Variants in NEGR1 observed in about 807,000 individuals in gnomAD.
NEGR1 encodes the protein IgLON family member 4.
In NEGR1, 10 loss-of-function variants were observed where a neutral mutation model predicts 40.9. The observed-to-expected ratio is 0.24, with a 90% CI of 0.15 to 0.42. The LOEUF (loss-of-function observed/expected upper bound fraction) is 0.42, where lower values mean the gene tolerates loss of function less well. NEGR1 is among the 10% of genes least tolerant of loss of function. The probability of loss-of-function intolerance (pLI) is 1.00; values close to 1 mark genes in which losing one functional copy is unlikely to be tolerated. For synonymous variants in NEGR1, 185 were observed against 166.8 expected, an observed-to-expected ratio of 1.11 and a Z score of -0.84; for missense variants, 352 against 438.9, an observed-to-expected ratio of 0.80 and a Z score of 1.77.
intron 1 of NEGR1, 48 bp downstream of exon 1, chr1:72,282,267 GAGAC>G: frequency 6.2e-7 from 1 of 1,600,288 alleles, no homozygotes; most frequent in Non-Finnish European, 8.5e-7. Context: ...GGTTCAAAGA[GAGAC>G]AGAAAGATAG....
chr1:71,552,016 G>A (rs1648100405), intron 6 of NEGR1, among the ~76,000 whole-genome samples: 1 of 151,334 alleles, frequency 6.6e-6, no homozygotes, highest in Admixed American at 6.6e-5. Flanking sequence ...ACTAGAGTCA[G>A]GCTTCTCCTA....
intron 6 of NEGR1, among the ~76,000 whole-genome samples, chr1:71,506,680 C>T (rs1232482366): frequency 6.6e-6 from 1 of 152,084 alleles, no homozygotes; most frequent in African/African-American, 2.4e-5. Flanking sequence ...GACATCAGAC[C>T]ATAACTGCTT....
chr1:71,429,648 A>T (rs917385420), intron 6 of NEGR1, among the ~76,000 whole-genome samples: 5 of 152,312 alleles, frequency 3.3e-5, no homozygotes, highest in African/African-American at 1.2e-4. Context: ...GCAGCCAGAC[A>T]AACAGTGGCA....
intron 1 of NEGR1, among the ~76,000 whole-genome samples, chr1:72,126,760 G>A (rs939274612): frequency 7.2e-5 from 11 of 152,118 alleles, no homozygotes; most frequent in Non-Finnish European, 2.9e-5. Flanking sequence ...ATTATTCATT[G>A]CATGAGCTTC....
intron 1 of NEGR1, among the ~76,000 whole-genome samples, chr1:71,990,064 C>T (rs1020469421): frequency 6.6e-6 from 1 of 152,090 alleles, no homozygotes; most frequent in African/African-American, 2.4e-5. Flanking sequence ...GTTTACTTTT[C>T]TTTCTGTATA....
intron 6 of NEGR1, among the ~76,000 whole-genome samples, chr1:71,589,478 A>T (rs1037494701): frequency 3.3e-5 from 5 of 152,110 alleles, no homozygotes; most frequent in Admixed American, 3.3e-4. Flanking sequence ...ATACCCAGCT[A>T]CCTATTAGAC....
chr1:71,788,322 A>C (rs560856051), intron 2 of NEGR1, among the ~76,000 whole-genome samples: 1 of 152,264 alleles, frequency 6.6e-6, no homozygotes, highest in South Asian at 2.1e-4. Context: ...CAGTGGTCTA[A>C]GTGCATTCTC....
In NEGR1 at chr1:71,690,619, CAGAGAGAGAGAGAG is replaced by C. The variant is rs59019409; in HGVS notation, c.667+7375_667+7388del. Among the ~76,000 whole-genome samples, 227 of 67,648 alleles carry C rather than the reference CAGAGAGAGAGAGAG, an allele frequency of 3.4e-3. 2 individuals carry two copies. Among genetic ancestry groups the C allele is most frequent in the African/African-American group, 1.0e-2 (190 of 19,026 alleles). 44.4% of individuals were successfully genotyped at this position (67,648 alleles called of 152,430 possible). On this transcript the variant is annotated intron_variant, in intron 4 of 6. Transcript: ENST00000357731. ...ACACACATATATATATAGAGGGAGACAGAGAGAGAGAGAGAGAGAGAGAGAGAGAGAGAGAGAGA... is the reference window on the plus strand; with the variant it reads ...ACACACATATATATATAGAGGGAGACAGAGAGAGAGAGAGAGAGAGAGAGA...
intron 3 of NEGR1, among the ~76,000 whole-genome samples, chr1:71,737,911 A>G (rs2101672416): frequency 6.6e-6 from 1 of 152,226 alleles, no homozygotes; most frequent in Non-Finnish European, 1.5e-5. Context: ...GGGTGGCAGG[A>G]ATTACAGTCG....
intron 3 of NEGR1, among the ~76,000 whole-genome samples, chr1:71,728,626 T>C (rs896315566): frequency 1.3e-5 from 2 of 152,230 alleles, no homozygotes; most frequent in Non-Finnish European, 2.9e-5. Flanking sequence ...GTAGGAACTT[T>C]ACTGGCTGTG....
At chr1:71,916,618 T>C (rs1661593116) in intron 2 of NEGR1, among the ~76,000 whole-genome samples, 1 of 152,016 alleles carries the variant, frequency 6.6e-6, no homozygotes, top group Non-Finnish European at 1.5e-5. Context: ...TAGCCAGGCA[T>C]AGGGGCGTGT....
intron 1 of NEGR1, among the ~76,000 whole-genome samples, chr1:72,090,058 A>G (rs1324132138): frequency 1.3e-5 from 2 of 152,104 alleles, no homozygotes; most frequent in South Asian, 2.1e-4. Flanking sequence ...AATTAGATAA[A>G]AATATGACCT....
At chr1:71,868,829 T>C (rs1660195009) in intron 2 of NEGR1, among the ~76,000 whole-genome samples, 1 of 151,928 alleles carries the variant, frequency 6.6e-6, no homozygotes, top group African/African-American at 2.4e-5. Flanking sequence ...ATACTCTCTC[T>C]CCCCTTCCCA....
chr1:72,095,588 C>G (rs6694202), intron 1 of NEGR1, among the ~76,000 whole-genome samples: 5,578 of 152,200 alleles, frequency 0.037, 342 homozygotes, highest in African/African-American at 0.13. Context: ...GTTTCCCACA[C>G]TGCTTACATT....
chr1:71,579,747 G>T (rs1276921657), intron 6 of NEGR1, among the ~76,000 whole-genome samples: 1 of 151,918 alleles, frequency 6.6e-6, no homozygotes, highest in Non-Finnish European at 1.5e-5. Flanking sequence ...GGAACCTATT[G>T]TGATGTTAAT....
chr1:72,011,535 G>A (rs188146541), intron 1 of NEGR1, among the ~76,000 whole-genome samples: 2 of 152,028 alleles, frequency 1.3e-5, no homozygotes, highest in East Asian at 1.9e-4. Flanking sequence ...ACAAGTAATC[G>A]CCATAGATCA....
chr1:72,167,661 C>A (rs1173847782), intron 1 of NEGR1, among the ~76,000 whole-genome samples: 2 of 151,966 alleles, frequency 1.3e-5, no homozygotes, highest in East Asian at 3.9e-4. Flanking sequence ...GTATTTTCAA[C>A]AACAACAAAA....
chr1:71,553,495 G>A (rs1248851219), intron 6 of NEGR1, among the ~76,000 whole-genome samples: 2 of 151,436 alleles, frequency 1.3e-5, no homozygotes, highest in Non-Finnish European at 3.0e-5. Flanking sequence ...TGTAGAAGTA[G>A]GCCAGACACT....
intron 3 of NEGR1, among the ~76,000 whole-genome samples, chr1:71,762,556 A>G (rs1655982820): frequency 6.6e-6 from 1 of 152,158 alleles, no homozygotes. Context: ...ATTCTATAAT[A>G]TTTGAATGGT....
Sources: gnomAD v4.1 joint callset for allele counts (sites outside exome capture counted in the v4.1 genomes callset) on GRCh38, gnomAD v4.1.1 for gene constraint, MANE v1.5 for transcripts, NCBI Gene and HGNC (gene_info 2026-07-23, HGNC 2026-07-21) for gene names.